FREM2: variants seen among roughly 807,000 people sequenced by gnomAD.
The protein encoded by FREM2 is FRAS1-related extracellular matrix protein 2.
In FREM2, 119 loss-of-function variants were observed where a neutral mutation model predicts 219.9. That is an observed-to-expected ratio of 0.54 (90% confidence interval 0.47 to 0.63). The LOEUF (loss-of-function observed/expected upper bound fraction) is 0.63, where lower values mean the gene tolerates loss of function less well. Among genes scored for constraint, FREM2 ranks in the 30% least tolerant of loss-of-function variants. FREM2 has a pLI of 0.00. For missense variants in FREM2, 4,030 were observed against 3,993.6 expected (o/e 1.01, Z -0.25); for synonymous variants, 1,562 against 1,522.8 (o/e 1.03, Z -0.60).
At chr13:38,812,495 C>G (rs1168424669) in intron 6 of FREM2, among the ~76,000 whole-genome samples, 1 of 152,104 alleles carries the variant, frequency 6.6e-6, no homozygotes, top group Non-Finnish European at 1.5e-5. Context: ...ACAAGGCTTG[C>G]AAATACTATC....
intron 2 of FREM2, among the ~76,000 whole-genome samples, chr13:38,757,039 A>G (rs1873038411): frequency 6.6e-6 from 1 of 152,184 alleles, no homozygotes; most frequent in Admixed American, 6.5e-5. Flanking sequence ...TACCAAGTGT[A>G]TTAATTTGGG....
intron 6 of FREM2, among the ~76,000 whole-genome samples, chr13:38,801,512 ATATATGGTT>A (rs1875006363): frequency 6.6e-6 from 1 of 152,124 alleles, no homozygotes; most frequent in Admixed American, 6.6e-5. Context: ...TTGACGATCT[ATATATGGTT>A]TTGGTTGGAG....
intron 6 of FREM2, among the ~76,000 whole-genome samples, chr13:38,826,962 T>C (rs945224504): frequency 2.6e-5 from 4 of 152,130 alleles, no homozygotes; most frequent in Non-Finnish European, 5.9e-5. Flanking sequence ...GTATAACATA[T>C]TCTAATTTTC....
At chr13:38,804,324 CAT>C (rs759645895) in intron 6 of FREM2, among the ~76,000 whole-genome samples, 1 of 150,648 alleles carries the variant, frequency 6.6e-6, no homozygotes, top group Non-Finnish European at 1.5e-5. Context: ...AATTTTTCCA[CAT>C]GAGAAGGATA....
rs6563647 is a variant in FREM2 at position 38,879,136 on chromosome 13, A to G, written c.9006+159A>G. 0.73 allele frequency among the ~76,000 whole-genome samples: 111,566 copies of G among 152,142 alleles called. 41,273 individuals are homozygous for G. The highest frequency in any genetic ancestry group is 0.84 in the East Asian group (4,355 of 5,178). On this transcript the variant is annotated intron_variant, in intron 23 of 23. Coordinates refer to ENST00000280481, the MANE Select transcript of FREM2 (RefSeq NM_207361.6). ...TAAGATATGGCAAATAAACTACATA[A>G]CCCTATGCTGGGCATATGGTGAGCA... is the stretch of plus-strand genomic sequence containing the variant.
rs1221877508 is a variant in FREM2, at chr13:38,688,872, G to C, written c.1528G>C (p.Ala510Pro). The change falls in exon 1 of 24, where the codon GCT becomes CCT. Residue 510 changes from alanine (A) to proline (P), a missense_variant. Physicochemically the swap from Ala to Pro is conservative, Grantham distance 27. Transcript: ENST00000280481. ...GSSAPKSFTV[A>P]ELAAGQVVYQ... ...CTCTGCTCCCAAGAGCTTTACAGTG[G>C]CTGAGCTGGCAGCCGGCCAGGTGGT... 1.2e-6 allele frequency: 2 copies of C among 1,613,412 alleles called. No homozygotes were observed. The highest frequency in any genetic ancestry group is 1.7e-6 in the Non-Finnish European group (2 of 1,179,848).
chr13:38,859,709 T>A, intron 14 of FREM2, 119 bp downstream of exon 14: 1 of 1,020,824 alleles, frequency 9.8e-7, no homozygotes, highest in Non-Finnish European at 1.5e-6. Context: ...TTGTAAGTAG[T>A]GAAAAATTAA....
In FREM2 at chr13:38,769,663, G is replaced by C. The variant is rs1439948624; in HGVS notation, c.5496G>C (p.Gln1832His). ...AACAAGTGCAGTTCAACCCAGGCCA[G>C]ACCAGGGCCACATGGCGAGTGCGGA... The part of the protein sequence containing the change: ...AQKQVQFNPG[Q>H]TRATWRVRIL... The change falls in exon 4 of 24, where the codon CAG (glutamine) becomes CAC (histidine). Residue 1832 changes from glutamine to histidine, a missense_variant. By Grantham distance (24) the Gln-to-His change is conservative. Coordinates refer to ENST00000280481, the MANE Select transcript of FREM2 (RefSeq NM_207361.6). 1 of 1,614,062 alleles carries C rather than the reference G, an allele frequency of 6.2e-7. No homozygotes were observed. Among genetic ancestry groups the C allele is most frequent in the African/African-American group, 1.3e-5 (1 of 74,944 alleles).
intron 2 of FREM2, among the ~76,000 whole-genome samples, chr13:38,699,074 A>G (rs1042161019): frequency 6.6e-6 from 1 of 152,206 alleles, no homozygotes; most frequent in African/African-American, 2.4e-5. Context: ...GGGAAATTCT[A>G]TTGTAACTAA....
At chr13:38,717,332 G>A (rs1464805417) in intron 2 of FREM2, among the ~76,000 whole-genome samples, 2 of 151,294 alleles carry the variant, frequency 1.3e-5, no homozygotes, top group Non-Finnish European at 2.9e-5. Flanking sequence ...TGCTAATGCT[G>A]TGGAACCACC....
At chr13:38,863,678 T>A (rs1002556581) in intron 15 of FREM2, among the ~76,000 whole-genome samples, 9 of 152,308 alleles carry the variant, frequency 5.9e-5, no homozygotes, top group African/African-American at 1.9e-4. Context: ...TATCTTGTAG[T>A]CTCTGAAAAA....
At chr13:38,792,123 G>A (rs1326147775) in intron 6 of FREM2, among the ~76,000 whole-genome samples, 6 of 152,146 alleles carry the variant, frequency 3.9e-5, no homozygotes, top group African/African-American at 1.4e-4. Flanking sequence ...GAGGCAGGCA[G>A]ATCACTTGAG....
chr13:38,798,112 G>A (rs978145829), intron 6 of FREM2, among the ~76,000 whole-genome samples: 1 of 151,994 alleles, frequency 6.6e-6, no homozygotes, highest in African/African-American at 2.4e-5. Flanking sequence ...CTGTGGGTTT[G>A]TTATATATGG....
intron 14 of FREM2, among the ~76,000 whole-genome samples, chr13:38,860,435 G>A (rs979259147): frequency 6.6e-6 from 1 of 152,070 alleles, no homozygotes; most frequent in Non-Finnish European, 1.5e-5. Context: ...GTATATATTT[G>A]ATTCTATTTC....
intron 2 of FREM2, among the ~76,000 whole-genome samples, chr13:38,763,255 G>T (rs1873302342): frequency 6.6e-6 from 1 of 152,102 alleles, no homozygotes; most frequent in Non-Finnish European, 1.5e-5. Context: ...ATAGCTCAAA[G>T]TTGCTGCAGT....
At chr13:38,866,405 G>A (rs1877964868) in intron 16 of FREM2, among the ~76,000 whole-genome samples, 1 of 152,132 alleles carries the variant, frequency 6.6e-6, no homozygotes, top group Admixed American at 6.6e-5. Context: ...GGCTGAGGCA[G>A]GAGAATCACT....
rs545545431 is a variant in FREM2 at position 38,772,778 on chromosome 13, C to T, written c.5641+2970C>T. Reference sequence around the variant, plus strand: ...GTGGCGCCATCTTGGCTCACTGCAACCTTCGCCTCCTGGGTTCAAGCAATT... The same window carrying T: ...GTGGCGCCATCTTGGCTCACTGCAATCTTCGCCTCCTGGGTTCAAGCAATT... On this transcript the variant is annotated intron_variant, in intron 4 of 23. Transcript: ENST00000280481. Among the ~76,000 whole-genome samples, 9 of 151,848 alleles carry T rather than the reference C, an allele frequency of 5.9e-5. 1 individual carries two copies. The highest frequency in any genetic ancestry group is 2.2e-4 in the African/African-American group (9 of 41,420).
Position 38,864,294 on chromosome 13 carries a change from C to T in FREM2, c.7671C>T (p.Ser2557=), listed in dbSNP as rs769808155. 1 of 1,614,038 alleles carries T rather than the reference C, an allele frequency of 6.2e-7. No homozygotes were observed. The highest frequency in any genetic ancestry group is 8.5e-7 in the Non-Finnish European group (1 of 1,179,868). The change falls in exon 16 of 24, where the codon TCC becomes TCT. Residue 2557 remains serine, a synonymous_variant. Transcript: ENST00000280481. The stretch of plus-strand genomic sequence containing the variant: ...TCATAGGCATGCTCCCCGTGATCTC[C>T]ACTAGAGAGCTTTCCAACTTTGAGC... ...PHIDGMLPVI[S]TRELSNFELT...
At position 38,763,464 on chromosome 13, in the gene FREM2, C is replaced by CTT. The variant is rs1163604743; in HGVS notation, c.5264-828_5264-827dup. On this transcript the variant is annotated intron_variant, in intron 2 of 23. Transcript: ENST00000280481. ...CCTCTAGCTGTGTTTGTTACTTGGG[C>CTT]TTTTTTTTTTTTTACACCCTCTTTC... Among the ~76,000 whole-genome samples, 86 of 102,348 alleles carry CTT rather than the reference C, an allele frequency of 8.4e-4. 3 individuals carry two copies. Among genetic ancestry groups the CTT allele is most frequent in the South Asian group, 2.6e-3 (7 of 2,644 alleles). 67.1% of individuals were successfully genotyped at this position (102,348 alleles called of 152,430 possible). A position where few individuals can be genotyped will look rare whatever the true frequency, so the allele number is the denominator to read the frequency against.
Sources: allele counts gnomAD v4.1 joint callset (sites outside exome capture counted in the v4.1 genomes callset), GRCh38; gene constraint gnomAD v4.1.1; transcripts MANE v1.5; gene names NCBI Gene and HGNC (gene_info 2026-07-23, HGNC 2026-07-21).